Variants in SNRPN observed in about 807,000 individuals in gnomAD.
SNRPN encodes the protein small nuclear ribonucleoprotein-associated protein N.
In SNRPN, 7 loss-of-function variants were observed where a neutral mutation model predicts 25.2. The observed-to-expected ratio is 0.28, with a 90% CI of 0.16 to 0.52. The LOEUF (loss-of-function observed/expected upper bound fraction) is 0.52. Ranked by LOEUF, SNRPN falls within the 20% of genes least tolerant of loss-of-function variation. The pLI, the probability that SNRPN is intolerant of heterozygous loss-of-function variation, is 0.96. For synonymous variants in SNRPN, 124 were observed against 110.6 expected (o/e 1.12, Z -0.76); for missense variants, 196 against 322.5 (o/e 0.61, Z 3.00).
At chr15:24,867,336 T>C (rs2148408208) in intron 1 of SNRPN, among the ~76,000 whole-genome samples, 1 of 152,190 alleles carries the variant, frequency 6.6e-6, no homozygotes, top group South Asian at 2.1e-4. Context: ...ATTTTGATTT[T>C]AATTTACATT....
intron 1 of SNRPN, among the ~76,000 whole-genome samples, chr15:24,957,394 T>A (rs184100162): frequency 1.3e-5 from 2 of 152,318 alleles, no homozygotes; most frequent in African/African-American, 2.4e-5. Flanking sequence ...AGTTACTGTC[T>A]TTTTTTGGAT....
upstream of SNRPN, among the ~76,000 whole-genome samples, chr15:24,855,422 A>C (rs1429247824): frequency 6.6e-6 from 1 of 152,174 alleles, no homozygotes; most frequent in Non-Finnish European, 1.5e-5. Flanking sequence ...CTATCTTTGA[A>C]GTCTTTACTT....
chr15:24,918,598 A>ATATATATAACATAATATATATGTGTG (rs2059742836), intron 2 of SNRPN, among the ~76,000 whole-genome samples: 2 of 43,252 alleles, frequency 4.6e-5, no homozygotes, highest in Non-Finnish European at 8.7e-5. Flanking sequence ...ATATATATGT[A>ATATATATAACATAATATATATGTGTG]TATATATAAC....
At chr15:24,889,296 T>C (rs1386333665) in intron 2 of SNRPN, among the ~76,000 whole-genome samples, 1 of 150,354 alleles carries the variant, frequency 6.7e-6, no homozygotes, top group Admixed American at 6.6e-5. Flanking sequence ...GCAAGTAATA[T>C]TAATTTTTTT....
intron 2 of SNRPN, chr15:24,908,872 T>G: frequency 1.5e-6 from 1 of 656,828 alleles, no homozygotes; most frequent in Non-Finnish European, 2.6e-6. Flanking sequence ...TCTTTTTTTT[T>G]GCTGTCCATA....
intron 1 of SNRPN, among the ~76,000 whole-genome samples, chr15:24,957,375 C>T (rs180894057): frequency 1.4e-4 from 22 of 152,244 alleles, no homozygotes; most frequent in Admixed American, 1.1e-3. Flanking sequence ...TGGGGTTGTG[C>T]TTTGGATCAG....
At chr15:24,881,772 T>G (rs902593775) in intron 1 of SNRPN, among the ~76,000 whole-genome samples, 1 of 152,318 alleles carries the variant, frequency 6.6e-6, no homozygotes, top group Non-Finnish European at 1.5e-5. Context: ...TCATGCAATA[T>G]TCATGAGTTC....
At chr15:24,867,702 G>A (rs1382186746) in intron 1 of SNRPN, among the ~76,000 whole-genome samples, 2 of 152,024 alleles carry the variant, frequency 1.3e-5, no homozygotes, top group Non-Finnish European at 1.5e-5. Context: ...GAGAACATAT[G>A]GTTAAGTCTT....
intron 3 of SNRPN, among the ~76,000 whole-genome samples, chr15:24,941,216 A>G (rs1023554304): frequency 2.6e-5 from 4 of 152,160 alleles, no homozygotes; most frequent in African/African-American, 7.2e-5. Flanking sequence ...AGCTCAGGTG[A>G]TCCATCTGCC....
chr15:24,866,561 C>A (rs113175265), intron 1 of SNRPN, among the ~76,000 whole-genome samples: 2,237 of 152,226 alleles, frequency 0.015, 57 homozygotes, highest in African/African-American at 0.051. Flanking sequence ...CCATGCCCAG[C>A]TAATCTTTAG....
chr15:24,908,674 C>T (rs958482406), intron 2 of SNRPN, among the ~76,000 whole-genome samples: 2 of 142,306 alleles, frequency 1.4e-5, no homozygotes, highest in African/African-American at 5.7e-5. Flanking sequence ...GAGTAACTCA[C>T]CATACCAACT....
At chr15:24,949,086 A>G (rs1279907845) in intron 3 of SNRPN, among the ~76,000 whole-genome samples, 3 of 134,212 alleles carry the variant, frequency 2.2e-5, no homozygotes, top group Non-Finnish European at 3.0e-5. Context: ...CAGTGGCGCA[A>G]TCTCGGCTCA....
chr15:24,923,184 G>T (rs1008181201), intron 3 of SNRPN, among the ~76,000 whole-genome samples: 2 of 152,136 alleles, frequency 1.3e-5, no homozygotes, highest in Admixed American at 1.3e-4. Context: ...GGGATTACAG[G>T]TGTGAGACAC....
intron 1 of SNRPN, among the ~76,000 whole-genome samples, chr15:24,864,019 T>A (rs2054275908): frequency 6.9e-6 from 1 of 145,782 alleles, no homozygotes. Context: ...TTATTTATTT[T>A]TATTTTATTA....
At chr15:24,856,321 C>T (rs2053379556), upstream of SNRPN, among the ~76,000 whole-genome samples, 1 of 152,174 alleles carries the variant, frequency 6.6e-6, no homozygotes, top group Non-Finnish European at 1.5e-5. Flanking sequence ...CCCACAACAT[C>T]ATTCCCTGCT....
intron 1 of SNRPN, among the ~76,000 whole-genome samples, chr15:24,829,324 CAGG>C (rs2050327781): frequency 6.6e-6 from 1 of 152,016 alleles, no homozygotes; most frequent in South Asian, 2.1e-4. Flanking sequence ...GGGAGGCCTC[CAGG>C]AGGAGGAGCT....
intron 1 of SNRPN, among the ~76,000 whole-genome samples, chr15:24,873,321 T>C (rs2055398345): frequency 8.8e-6 from 1 of 113,368 alleles, no homozygotes; most frequent in African/African-American, 3.0e-5. Context: ...TCTTCTTTTG[T>C]TTTTGTTTCT....
At chr15:24,951,929 AC>A (rs1488666386), upstream of SNRPN, among the ~76,000 whole-genome samples, 4 of 152,186 alleles carry the variant, frequency 2.6e-5, no homozygotes, top group African/African-American at 9.6e-5. Flanking sequence ...TGAATCGAAA[AC>A]TTTTATGTAA....
chr15:24,853,493 A>C (rs1018014335), upstream of SNRPN, among the ~76,000 whole-genome samples: 9 of 151,388 alleles, frequency 5.9e-5, no homozygotes, highest in African/African-American at 2.2e-4. Context: ...TCCCAGGTTC[A>C]CGCCATTCTC....
Sources: allele counts gnomAD v4.1 joint callset (sites outside exome capture counted in the v4.1 genomes callset), GRCh38; gene constraint gnomAD v4.1.1; transcripts MANE v1.5; gene names NCBI Gene and HGNC (gene_info 2026-07-23, HGNC 2026-07-21).